The following GALM variants were observed in gnomAD, a reference collection of about 807,000 sequenced individuals.
The protein encoded by GALM is aldose 1-epimerase.
A neutral mutation model predicts 37.4 loss-of-function variants in GALM; 43 were observed. The observed-to-expected ratio is 1.15, with a 90% confidence interval of 0.90 to 1.48. GALM has a LOEUF of 1.48. GALM is among the 40% of genes most tolerant of loss of function. The pLI is 0.00. For synonymous variants in GALM, 199 were observed against 170.6 expected (o/e 1.17, Z -1.30); for missense variants, 456 against 419.1 (o/e 1.09, Z -0.77).
chr2:38,686,245 T>TTTCTTTCTTTCTTTCTTTCTTTCTTTCC (rs1558582069), intron 3 of GALM, among the ~76,000 whole-genome samples: 3 of 100,694 alleles, frequency 3.0e-5, no homozygotes, highest in African/African-American at 1.6e-4. Context: ...TCTTTCTTTC[T>TTTCTTTCTTTCTTTCTTTCTTTCTTTCC]TTCTTTCTTT....
Position 38,731,883 on chromosome 2 carries a change from C to G in GALM, c.925C>G (p.Gln309Glu). The part of the protein sequence containing the change: ...PKHSGFCLET[Q>E]NWPDAVNQPR... ...GCACTCCGGTTTCTGCCTGGAGACT[C>G]AGAACTGGCCTGATGCAGTCAATCA... Residue 309 changes from glutamine (Q) to glutamate (E), a missense_variant, in exon 6 of 7, where the codon CAG (glutamine) becomes GAG (glutamate). Coordinates refer to ENST00000272252, the MANE Select transcript of GALM (RefSeq NM_138801.3). 1 of 1,614,174 alleles carries G rather than the reference C, an allele frequency of 6.2e-7. No individual in the cohort carries two copies. Among genetic ancestry groups the G allele is most frequent in the Non-Finnish European group, 8.5e-7 (1 of 1,180,014 alleles).
At chr2:38,720,414 TAAAAAAAAAAAAAAA>T (rs34372976) in intron 4 of GALM, among the ~76,000 whole-genome samples, 4 of 92,866 alleles carry the variant, frequency 4.3e-5, no homozygotes, top group Admixed American at 1.3e-4. Flanking sequence ...ACTTCTATGT[TAAAAAAAAAAAAAAA>T]AAAAAAAAAA....
chr2:38,725,868 C>T (rs369191040), intron 4 of GALM, among the ~76,000 whole-genome samples: 10 of 151,936 alleles, frequency 6.6e-5, no homozygotes, highest in Non-Finnish European at 1.2e-4. Context: ...TGCGCCACCA[C>T]GCCTGGCTAA....
Position 38,731,554 on chromosome 2 carries a change from A to G in GALM, c.777-181A>G, listed in dbSNP as rs561879993. Among the ~76,000 whole-genome samples, 154 of 152,134 alleles carry G rather than the reference A, an allele frequency of 1.0e-3. 1 individual carries two copies. Among genetic ancestry groups the G allele is most frequent in the African/African-American group, 3.5e-3 (146 of 41,480 alleles). On this transcript the variant is annotated intron_variant, in intron 5 of 6. Coordinates refer to ENST00000272252, the MANE Select transcript of GALM (RefSeq NM_138801.3). ...TGAGGATCCTGAAAGCCACCTGCTC[A>G]TGCCTTGCCTTTGAGACTGGAAGAA...
chr2:38,709,321 T>C (rs1265557081), intron 4 of GALM, among the ~76,000 whole-genome samples: 2 of 152,098 alleles, frequency 1.3e-5, no homozygotes, highest in African/African-American at 4.8e-5. Context: ...AGGTGAACTT[T>C]CTACTAGACA....
At chr2:38,709,712 C>G (rs1192463901) in intron 4 of GALM, among the ~76,000 whole-genome samples, 1 of 152,152 alleles carries the variant, frequency 6.6e-6, no homozygotes, top group African/African-American at 2.4e-5. Context: ...CCAAAAAATT[C>G]CCAAGGTGCT....
intron 6 of GALM, among the ~76,000 whole-genome samples, chr2:38,733,116 G>C (rs992961681): frequency 6.6e-6 from 1 of 151,328 alleles, no homozygotes; most frequent in Non-Finnish European, 1.5e-5. Flanking sequence ...AGCTACTCTG[G>C]AGGCTGAGGC....
In GALM at chr2:38,676,081, T is replaced by C; in HGVS notation, c.345+15T>C. On this transcript the variant is annotated intron_variant, in intron 2 of 6. Coordinates refer to ENST00000272252, the MANE Select transcript of GALM (RefSeq NM_138801.3). Reference sequence around the variant, plus strand: ...GGTTTGATAAAGTAAGTACGGCACATGTGACTGAGTTCCCTTTAGGCTCAC... The same window carrying C: ...GGTTTGATAAAGTAAGTACGGCACACGTGACTGAGTTCCCTTTAGGCTCAC... The C allele has an allele frequency of 6.2e-7, 1 of 1,613,320 alleles. No individual in the cohort carries two copies. Among genetic ancestry groups the C allele is most frequent in the South Asian group, 1.1e-5 (1 of 91,036 alleles).
At chr2:38,678,270 A>G (rs1410019408) in intron 2 of GALM, among the ~76,000 whole-genome samples, 1 of 152,144 alleles carries the variant, frequency 6.6e-6, no homozygotes, top group East Asian at 1.9e-4. Flanking sequence ...TCGGCCTCCC[A>G]AAGTGCTGGG....
chr2:38,712,238 A>T lies in GALM; in HGVS notation c.635-17318A>T, dbSNP rs535976524. Among the ~76,000 whole-genome samples, 190 of 152,208 alleles carry T rather than the reference A, an allele frequency of 1.2e-3. 3 individuals carry two copies. The highest frequency in any genetic ancestry group is 4.4e-3 in the African/African-American group (182 of 41,514). ...CTGTTATATTGTGAGAAAAATATGT[A>T]TCTTCACCTAGTCATACACAAGGTC... On this transcript the variant is annotated intron_variant, in intron 4 of 6. Coordinates refer to ENST00000272252, the MANE Select transcript of GALM (RefSeq NM_138801.3).
chr2:38,698,425 C>T, intron 4 of GALM: 2 of 1,301,924 alleles, frequency 1.5e-6, no homozygotes, highest in Non-Finnish European at 1.0e-6. Flanking sequence ...GGACCAGGAG[C>T]AAAGTTTGCA....
chr2:38,677,335 G>A (rs1665282177), intron 2 of GALM, among the ~76,000 whole-genome samples: 1 of 152,124 alleles, frequency 6.6e-6, no homozygotes, highest in South Asian at 2.1e-4. Context: ...CTTCTCTTCT[G>A]CCTCTAACCA....
chr2:38,711,840 C>T (rs1449692514), intron 4 of GALM, among the ~76,000 whole-genome samples: 2 of 98,834 alleles, frequency 2.0e-5, no homozygotes. Flanking sequence ...CCATCATCAC[C>T]ATCATCACCA....
intron 3 of GALM, among the ~76,000 whole-genome samples, chr2:38,688,341 G>A (rs1041125086): frequency 8.6e-5 from 13 of 151,826 alleles, no homozygotes; most frequent in Admixed American, 3.3e-4. Context: ...GAGAAACCCC[G>A]TCTCTACTAA....
At chr2:38,704,078 A>G (rs1665987204) in intron 4 of GALM, among the ~76,000 whole-genome samples, 1 of 151,278 alleles carries the variant, frequency 6.6e-6, no homozygotes, top group Admixed American at 6.6e-5. Flanking sequence ...AATTCTATGT[A>G]AAATCCTTTG....
chr2:38,732,026 G>GGTTT (rs1385884701), intron 6 of GALM, 117 bp downstream of exon 6: 2 of 954,986 alleles, frequency 2.1e-6, no homozygotes, highest in Non-Finnish European at 3.1e-6. Flanking sequence ...TTGTTTGTTT[G>GGTTT]GTTTGTTTTT....
chr2:38,719,761 C>T (rs1333392895), intron 4 of GALM, among the ~76,000 whole-genome samples: 6 of 122,762 alleles, frequency 4.9e-5, no homozygotes, highest in East Asian at 2.9e-4. Context: ...TCGACAAGAA[C>T]GAAATTCTGT....
intron 5 of GALM, 116 bp downstream of exon 5, chr2:38,729,813 A>G: frequency 1.3e-6 from 1 of 787,002 alleles, no homozygotes; most frequent in Non-Finnish European, 2.1e-6. Flanking sequence ...CAAGTGACCC[A>G]ATACCACATC....
intron 4 of GALM, among the ~76,000 whole-genome samples, chr2:38,697,457 T>A (rs1665835026): frequency 6.6e-6 from 1 of 152,214 alleles, no homozygotes; most frequent in Non-Finnish European, 1.5e-5. Flanking sequence ...TTCAACTCCT[T>A]ATTTTTGTTT....
Sources: allele counts gnomAD v4.1 joint callset (sites outside exome capture counted in the v4.1 genomes callset), GRCh38; gene constraint gnomAD v4.1.1; transcripts MANE v1.5; gene names NCBI Gene and HGNC (gene_info 2026-07-23, HGNC 2026-07-21).